Variants in ENTPD1 observed in about 807,000 individuals in gnomAD.
The protein encoded by ENTPD1 is ectonucleoside triphosphate diphosphohydrolase 1, also known as ATP diphosphohydrolase.
ENTPD1 carries 33 observed loss-of-function variants against 57.0 expected under a neutral mutation model. The observed-to-expected ratio is 0.58, with a 90% confidence interval of 0.44 to 0.77. The LOEUF (loss-of-function observed/expected upper bound fraction) is 0.77, where lower values mean the gene tolerates loss of function less well. Among genes scored for constraint, ENTPD1 ranks in the 30% least tolerant of loss-of-function variants. The probability of loss-of-function intolerance (pLI) is 0.00; values close to 1 mark genes in which losing one functional copy is unlikely to be tolerated. For synonymous variants in ENTPD1, 202 were observed against 218.8 expected, an observed-to-expected ratio of 0.92 and a Z score of 0.68; for missense variants, 501 against 603.4, an observed-to-expected ratio of 0.83 and a Z score of 1.78.
intron 7 of ENTPD1, among the ~76,000 whole-genome samples, chr10:95,855,706 G>C (rs898820823): frequency 4.6e-5 from 7 of 152,168 alleles, no homozygotes; most frequent in Admixed American, 3.3e-4. Context: ...AGCTTAGGTT[G>C]GCTGGACATG....
At chr10:95,752,579 C>T (rs928044991), upstream of ENTPD1, among the ~76,000 whole-genome samples, 5 of 152,156 alleles carry the variant, frequency 3.3e-5, no homozygotes, top group African/African-American at 1.2e-4. Context: ...ATCACTTGCA[C>T]CCAGGAGGCA....
At chr10:95,742,398 A>C (rs1446790561) in intron 1 of ENTPD1, among the ~76,000 whole-genome samples, 1 of 151,894 alleles carries the variant, frequency 6.6e-6, no homozygotes. Flanking sequence ...TGCTGCAACC[A>C]GCAGTCGCTA....
At chr10:95,836,373 C>T (rs4325249) in intron 2 of ENTPD1, among the ~76,000 whole-genome samples, 56 of 151,548 alleles carry the variant, frequency 3.7e-4, no homozygotes, top group African/African-American at 1.1e-3. Flanking sequence ...GGCAATACGA[C>T]GCATTCAAAA....
upstream of ENTPD1, chr10:95,755,605 C>A (rs1279281085): frequency 3.1e-6 from 4 of 1,284,698 alleles, no homozygotes; most frequent in Non-Finnish European, 4.3e-6. Context: ...CCCAGCCTTC[C>A]AACCAATAAC....
chr10:95,705,535 A>G, the ENTPD1 span, among the ~76,000 whole-genome samples: 1 of 152,160 alleles, frequency 6.6e-6, no homozygotes. Context: ...TCTGTCACCC[A>G]GGCTGGAGTG....
intron 1 of ENTPD1, among the ~76,000 whole-genome samples, chr10:95,793,512 C>T (rs2098214220): frequency 6.6e-6 from 1 of 152,134 alleles, no homozygotes; most frequent in African/African-American, 2.4e-5. Flanking sequence ...TAGGAGGTTA[C>T]TTATGTGTGT....
intron 7 of ENTPD1, among the ~76,000 whole-genome samples, chr10:95,850,651 A>T (rs2098443441): frequency 6.6e-6 from 1 of 152,246 alleles, no homozygotes; most frequent in East Asian, 1.9e-4. Context: ...TGAGTACATA[A>T]GAAAGAGTCA....
Position 95,870,989 on chromosome 10 carries a change from A to G in ENTPD1, c.*4606A>G. 3 of 985,442 alleles carry G rather than the reference A, an allele frequency of 3.0e-6. No individual in the cohort carries two copies. Among genetic ancestry groups the G allele is most frequent in the Non-Finnish European group, 3.6e-6 (3 of 829,938 alleles). 61.0% of individuals were successfully genotyped at this position (985,442 alleles called of 1,614,324 possible). On this transcript the variant is annotated 3_prime_UTR_variant, in exon 10 of 10. Transcript: ENST00000371205. ...TCCTTGTCCAGTGGTTTCTAGGGAT[A>G]TGTTCTCATGATGAACCCCGCAGAG... is the stretch of plus-strand genomic sequence containing the variant.
At chr10:95,799,934 T>G (rs1221582205) in intron 1 of ENTPD1, among the ~76,000 whole-genome samples, 4 of 152,212 alleles carry the variant, frequency 2.6e-5, no homozygotes, top group African/African-American at 9.6e-5. Flanking sequence ...TGCTTTATTC[T>G]GAAGAGTGTC....
intron 1 of ENTPD1, among the ~76,000 whole-genome samples, chr10:95,780,875 G>A (rs2098154758): frequency 6.6e-6 from 1 of 152,162 alleles, no homozygotes. Flanking sequence ...ACTAAAACCA[G>A]TGCATGCATA....
chr10:95,767,438 T>C (rs1214154349), intron 1 of ENTPD1, among the ~76,000 whole-genome samples: 2 of 151,992 alleles, frequency 1.3e-5, no homozygotes, highest in Non-Finnish European at 2.9e-5. Context: ...TTAAGAGTTT[T>C]TGTGTCCCTG....
chr10:95,869,542 G>C lies in ENTPD1; in HGVS notation c.*3159G>C. ...TGGGATTACAGGAGTGAGCCACCAT[G>C]CCTGGCCAGAAGTGGTTACTTCTGT... On this transcript the variant is annotated 3_prime_UTR_variant, in exon 10 of 10. Transcript: ENST00000371205. 1.0e-6 allele frequency: 1 copy of C among 985,178 alleles called. No individual in the cohort carries two copies. The highest frequency in any genetic ancestry group is 4.7e-5 in the South Asian group (1 of 21,282). 61.0% of individuals were successfully genotyped at this position (985,178 alleles called of 1,614,324 possible).
intron 1 of ENTPD1, among the ~76,000 whole-genome samples, chr10:95,770,067 C>T (rs2098109164): frequency 6.8e-6 from 1 of 147,902 alleles, no homozygotes; most frequent in African/African-American, 2.5e-5. Context: ...AAATTTAGGT[C>T]ATCAGATGGT....
chr10:95,721,790 G>A (rs1053333621), intron 1 of ENTPD1, among the ~76,000 whole-genome samples: 27 of 151,966 alleles, frequency 1.8e-4, no homozygotes, highest in Non-Finnish European at 2.4e-4. Context: ...TCCAGGGTGC[G>A]TAACTACCCA....
At chr10:95,863,282 G>T (rs1220225638) in intron 8 of ENTPD1, among the ~76,000 whole-genome samples, 1 of 152,194 alleles carries the variant, frequency 6.6e-6, no homozygotes, top group East Asian at 1.9e-4. Flanking sequence ...AGCCTTCAAG[G>T]ACCTACAGGG....
chr10:95,769,616 A>T (rs7898964), intron 1 of ENTPD1, among the ~76,000 whole-genome samples: 2,787 of 152,320 alleles, frequency 0.018, 88 homozygotes, highest in African/African-American at 0.064. Flanking sequence ...GACTTTATCC[A>T]ATTCACGTTT....
Position 95,871,430 on chromosome 10 carries a change from A to G in ENTPD1, c.*5047A>G. On this transcript the variant is annotated 3_prime_UTR_variant, in exon 10 of 10. Transcript: ENST00000371205. The stretch of plus-strand genomic sequence containing the variant: ...TTAGCCTCGCATTCTAAACTGGTAG[A>G]TGTCCTAGGAAACCATACATCTATG... 4.1e-6 allele frequency: 4 copies of G among 985,450 alleles called. No homozygotes were observed. The highest frequency in any genetic ancestry group is 4.8e-6 in the Non-Finnish European group (4 of 829,932). 61.0% of individuals were successfully genotyped at this position (985,450 alleles called of 1,614,324 possible). A position where few individuals can be genotyped will look rare whatever the true frequency, so the allele number is the denominator to read the frequency against.
At chr10:95,838,001 C>A (rs1029447819) in intron 2 of ENTPD1, among the ~76,000 whole-genome samples, 106 of 150,736 alleles carry the variant, frequency 7.0e-4, no homozygotes, top group African/African-American at 2.2e-3. Flanking sequence ...CCACACACAC[C>A]CACACACACA....
At chr10:95,743,078 A>G (rs191984615) in intron 1 of ENTPD1, among the ~76,000 whole-genome samples, 4 of 152,306 alleles carry the variant, frequency 2.6e-5, no homozygotes, top group African/African-American at 9.6e-5. Context: ...CTGTTCCAAG[A>G]TTCCAAATTA....
Sources: allele counts gnomAD v4.1 joint callset (sites outside exome capture counted in the v4.1 genomes callset), GRCh38; gene constraint gnomAD v4.1.1; transcripts MANE v1.5; gene names NCBI Gene and HGNC (gene_info 2026-07-23, HGNC 2026-07-21).